The following SSH2 variants were observed in gnomAD, a reference collection of about 807,000 sequenced individuals.
SSH2 encodes the protein protein phosphatase Slingshot homolog 2.
In SSH2, 37 loss-of-function variants were observed where a neutral mutation model predicts 135.2. The ratio of observed to expected loss-of-function variants is 0.27; its 90% CI spans 0.21 to 0.36. SSH2 has a LOEUF of 0.36. Ranked by LOEUF, SSH2 falls within the 10% of genes least tolerant of loss-of-function variation. SSH2 has a pLI of 1.00. For synonymous variants in SSH2, 628 were observed against 646.2 expected (o/e 0.97, Z 0.43); for missense variants, 1,408 against 1,765.3 (o/e 0.80, Z 3.63).
chr17:29,895,129 T>C, intron 1 of SSH2, among the ~76,000 whole-genome samples: 1 of 149,326 alleles, frequency 6.7e-6, no homozygotes, highest in East Asian at 2.0e-4. Context: ...AGATGTATTT[T>C]ATACATTCTA....
At chr17:29,642,487 G>A (rs2036203955) in intron 14 of SSH2, among the ~76,000 whole-genome samples, 1 of 151,974 alleles carries the variant, frequency 6.6e-6, no homozygotes, top group African/African-American at 2.4e-5. Context: ...CCAGATACCT[G>A]CATGATCAGA....
intron 11 of SSH2, among the ~76,000 whole-genome samples, chr17:29,656,422 C>T (rs112337245): frequency 1.3e-5 from 2 of 152,140 alleles, no homozygotes; most frequent in South Asian, 2.1e-4. Context: ...GTGATCCACC[C>T]GCCTCAGCCT....
At chr17:29,799,759 G>A (rs971378796) in intron 2 of SSH2, among the ~76,000 whole-genome samples, 1 of 152,162 alleles carries the variant, frequency 6.6e-6, no homozygotes, top group African/African-American at 2.4e-5. Context: ...CTACAGGGGT[G>A]AACTACATTT....
At chr17:29,696,478 C>A (rs941839738) in intron 4 of SSH2, among the ~76,000 whole-genome samples, 13 of 146,098 alleles carry the variant, frequency 8.9e-5, no homozygotes, top group Non-Finnish European at 1.8e-4. Flanking sequence ...TCACTACACT[C>A]CAGTGTGGGC....
intron 3 of SSH2, among the ~76,000 whole-genome samples, chr17:29,773,933 G>A (rs1007176719): frequency 6.6e-5 from 10 of 152,212 alleles, no homozygotes; most frequent in Non-Finnish European, 2.9e-5. Context: ...GCCTCCCAAA[G>A]TGTTGGGATT....
chr17:29,712,101 G>A (rs957516009), intron 3 of SSH2, among the ~76,000 whole-genome samples: 5 of 152,318 alleles, frequency 3.3e-5, no homozygotes, highest in Non-Finnish European at 4.4e-5. Flanking sequence ...GAGATAACTC[G>A]AAGTGGGGAG....
At position 29,652,623 on chromosome 17, in the gene SSH2, C is replaced by T. The variant is rs577278531; in HGVS notation, c.1080-1823G>A. ...GAAAAAAAGGAAAAAGAAAAAAAGA[C>T]AGGCAACACACTTTCCTTATTTTAT... is the stretch of plus-strand genomic sequence containing the variant. On this transcript the variant is annotated intron_variant, in intron 12 of 15. Transcript: ENST00000540801. 2.0e-4 allele frequency among the ~76,000 whole-genome samples: 31 copies of T among 152,228 alleles called. No individual in the cohort carries two copies. In the East Asian group the frequency reaches 2.9e-3, roughly 14 times the overall value.
intron 1 of SSH2, among the ~76,000 whole-genome samples, chr17:29,915,584 A>C (rs1444207374): frequency 1.3e-5 from 2 of 152,222 alleles, no homozygotes; most frequent in African/African-American, 4.8e-5. Context: ...GTCCCACTAT[A>C]TTGAAAAACA....
intron 12 of SSH2, among the ~76,000 whole-genome samples, chr17:29,652,461 G>C (rs2036616414): frequency 1.3e-5 from 2 of 151,970 alleles, no homozygotes; most frequent in Non-Finnish European, 1.5e-5. Flanking sequence ...AATGGATTGT[G>C]GTGATGGTTG....
intron 3 of SSH2, among the ~76,000 whole-genome samples, chr17:29,708,046 C>G (rs2151138377): frequency 6.6e-6 from 1 of 152,126 alleles, no homozygotes; most frequent in Non-Finnish European, 1.5e-5. Context: ...AAATTCATAG[C>G]ATGGAAGTGA....
At chr17:29,731,654 C>T (rs960354566) in intron 3 of SSH2, among the ~76,000 whole-genome samples, 3 of 152,040 alleles carry the variant, frequency 2.0e-5, no homozygotes, top group Non-Finnish European at 2.9e-5. Context: ...TGGGGTTTCA[C>T]CATGTTGGCC....
intron 1 of SSH2, among the ~76,000 whole-genome samples, chr17:29,910,135 G>A (rs548234930): frequency 6.6e-6 from 1 of 152,098 alleles, no homozygotes; most frequent in Admixed American, 6.5e-5. Flanking sequence ...TTGTAGAGAC[G>A]AAGTCTTGCT....
chr17:29,917,609 T>C (rs1347452704), intron 1 of SSH2, among the ~76,000 whole-genome samples: 1 of 152,216 alleles, frequency 6.6e-6, no homozygotes, highest in Non-Finnish European at 1.5e-5. Context: ...ATTCAAACTA[T>C]GGCAGGGCAA....
chr17:29,737,404 A>G (rs2040408888), intron 3 of SSH2, among the ~76,000 whole-genome samples: 1 of 152,106 alleles, frequency 6.6e-6, no homozygotes. Context: ...TAATTTATTT[A>G]CAGTCTGGAA....
At chr17:29,641,252 A>G (rs987069257) in intron 14 of SSH2, among the ~76,000 whole-genome samples, 6 of 152,190 alleles carry the variant, frequency 3.9e-5, no homozygotes, top group African/African-American at 9.7e-5. Flanking sequence ...TTTTTTTCCA[A>G]TGAAGCTTTG....
chr17:29,821,890 C>T (rs1032681878), intron 2 of SSH2, among the ~76,000 whole-genome samples: 10 of 152,204 alleles, frequency 6.6e-5, no homozygotes, highest in Middle Eastern at 3.4e-3. Flanking sequence ...GTAGTCTGCC[C>T]GCCTCGGCCT....
In SSH2 at chr17:29,785,491, A is replaced by ATTTTT. The variant is rs34346245; in HGVS notation, c.188+8398_188+8402dup. Among the ~76,000 whole-genome samples, 550 of 78,482 alleles carry ATTTTT rather than the reference A, an allele frequency of 7.0e-3. 19 individuals are homozygous for ATTTTT. The highest frequency in any genetic ancestry group is 0.026 in the African/African-American group (498 of 18,940). 51.5% of individuals were successfully genotyped at this position (78,482 alleles called of 152,430 possible). The stretch of plus-strand genomic sequence containing the variant: ...TAATATGTTTGAATATTGGCGTTTC[A>ATTTTT]TTTTTTTTTTTTTTTTTTTTTTTTG... On this transcript the variant is annotated intron_variant, in intron 3 of 15. Transcript: ENST00000540801.
chr17:29,636,785 T>C lies in SSH2; in HGVS notation c.1445A>G (p.Lys482Arg), dbSNP rs2035933161. 1.2e-6 allele frequency: 2 copies of C among 1,609,226 alleles called. No homozygotes were observed. The highest frequency in any genetic ancestry group is 1.7e-6 in the Non-Finnish European group (2 of 1,176,748). ...ILLASKQRHN[K>R]LWRSHSDSDL... The stretch of plus-strand genomic sequence containing the variant: ...ACTATCTGAATGAGATCTCCATAGT[T>C]TGTTATGCCGCTGTTTGCTGTGGAG... The change falls in exon 15 of 16, where the codon AAA becomes AGA. Residue 482 changes from lysine (K) to arginine (R), a missense_variant. Transcript: ENST00000540801.
chr17:29,715,024 G>A (rs999620585), intron 3 of SSH2, among the ~76,000 whole-genome samples: 3 of 151,836 alleles, frequency 2.0e-5, no homozygotes, highest in Admixed American at 6.6e-5. Context: ...GCACCACTGC[G>A]CCCAGCTAAT....
Sources: allele counts gnomAD v4.1 joint callset (sites outside exome capture counted in the v4.1 genomes callset), GRCh38; gene constraint gnomAD v4.1.1; transcripts MANE v1.5; gene names NCBI Gene and HGNC (gene_info 2026-07-23, HGNC 2026-07-21).